Variants in ADAMTS17 observed in about 807,000 individuals in gnomAD.
The protein encoded by ADAMTS17 is A disintegrin and metalloproteinase with thrombospondin motifs 17.
In ADAMTS17, 113 loss-of-function variants were observed where a neutral mutation model predicts 141.5. The ratio of observed to expected loss-of-function variants is 0.80; its 90% CI spans 0.69 to 0.93. The LOEUF (loss-of-function observed/expected upper bound fraction) is 0.93, where lower values mean the gene tolerates loss of function less well. Among genes scored for constraint, ADAMTS17 ranks in the 40% least tolerant of loss-of-function variants. The pLI is 0.00. For missense variants in ADAMTS17, 1,659 were observed against 1,517.9 expected (o/e 1.09, Z -1.54); for synonymous variants, 768 against 630.6 (o/e 1.22, Z -3.27).
Position 100,341,921 on chromosome 15 carries a change from C to G in ADAMTS17, c.-22G>C. ...ACATGGTACCCGGGACCGGCAGCCC[C>G]CCCGGACCGTGGCGGCGAAGCAGGA... On this transcript the variant is annotated 5_prime_UTR_variant, in exon 1 of 22. Transcript: ENST00000268070. 1.3e-6 allele frequency: 2 copies of G among 1,549,006 alleles called. No individual in the cohort carries two copies. Among genetic ancestry groups the G allele is most frequent in the South Asian group, 2.4e-5 (2 of 84,010 alleles).
chr15:100,233,570 T>C (rs1408612244), intron 7 of ADAMTS17, among the ~76,000 whole-genome samples: 3 of 152,204 alleles, frequency 2.0e-5, no homozygotes, highest in Non-Finnish European at 2.9e-5. Flanking sequence ...GCATCTCTCA[T>C]GTGCAGTCGA....
At chr15:100,063,520 G>T in intron 15 of ADAMTS17, 1 of 491,634 alleles carries the variant, frequency 2.0e-6, no homozygotes, top group Non-Finnish European at 3.6e-6. Context: ...AGTCAAATAT[G>T]ACAGCACTGT....
At chr15:100,074,784 A>G (rs891314035) in intron 15 of ADAMTS17, among the ~76,000 whole-genome samples, 8 of 152,178 alleles carry the variant, frequency 5.3e-5, no homozygotes, top group Admixed American at 5.2e-4. Flanking sequence ...TTGATTTTAT[A>G]TAGAGGCACG....
At chr15:100,010,839 C>T (rs1203856681) in intron 18 of ADAMTS17, among the ~76,000 whole-genome samples, 8 of 152,316 alleles carry the variant, frequency 5.3e-5, no homozygotes, top group East Asian at 1.9e-4. Context: ...TACAGGCACA[C>T]GTGAGGCTTC....
chr15:100,340,958 G>GGGGC, intron 2 of ADAMTS17, 81 bp downstream of exon 2: 3 of 1,504,444 alleles, frequency 2.0e-6, no homozygotes, highest in Non-Finnish European at 2.7e-6. Flanking sequence ...CAGCAGAGGC[G>GGGGC]CCCCACCCCC....
intron 15 of ADAMTS17, among the ~76,000 whole-genome samples, chr15:100,086,728 C>A (rs2140971692): frequency 6.7e-6 from 1 of 148,814 alleles, no homozygotes; most frequent in African/African-American, 2.5e-5. Context: ...GAAAAATATG[C>A]TCCTGAATGA....
intron 4 of ADAMTS17, among the ~76,000 whole-genome samples, chr15:100,275,109 G>C (rs1596415969): frequency 6.6e-6 from 1 of 152,208 alleles, no homozygotes; most frequent in Non-Finnish European, 1.5e-5. Context: ...AGCAAAGAGG[G>C]ACCCTCTGAG....
chr15:100,278,529 G>C (rs189739506), intron 4 of ADAMTS17, among the ~76,000 whole-genome samples: 10 of 152,154 alleles, frequency 6.6e-5, no homozygotes, highest in Admixed American at 3.3e-4. Flanking sequence ...GAAGAGCCTG[G>C]CATATGAGGA....
chr15:100,015,862 C>G (rs138380826), intron 18 of ADAMTS17, among the ~76,000 whole-genome samples: 9 of 152,242 alleles, frequency 5.9e-5, no homozygotes, highest in African/African-American at 2.2e-4. Flanking sequence ...GATCTTTTTG[C>G]GATGCATTTC....
chr15:100,167,994 GAA>G, intron 8 of ADAMTS17, among the ~76,000 whole-genome samples: 1 of 152,326 alleles, frequency 6.6e-6, no homozygotes, highest in East Asian at 1.9e-4. Context: ...TGACCTGCCA[GAA>G]AGTGGCGAAG....
At chr15:100,164,481 C>T (rs1053950430) in intron 8 of ADAMTS17, among the ~76,000 whole-genome samples, 1 of 152,198 alleles carries the variant, frequency 6.6e-6, no homozygotes, top group African/African-American at 2.4e-5. Context: ...AGTTTACATT[C>T]TCTAAGGGAA....
intron 2 of ADAMTS17, among the ~76,000 whole-genome samples, chr15:100,331,370 A>G (rs1429421599): frequency 6.6e-6 from 1 of 152,218 alleles, no homozygotes; most frequent in Non-Finnish European, 1.5e-5. Flanking sequence ...TTTTTAAGTT[A>G]CTTCAAAAAT....
chr15:100,216,459 C>T (rs1195203204), intron 7 of ADAMTS17, among the ~76,000 whole-genome samples: 1 of 152,136 alleles, frequency 6.6e-6, no homozygotes, highest in Non-Finnish European at 1.5e-5. Context: ...GGGAAAACAC[C>T]ACCTTCACCG....
chr15:100,067,882 C>A (rs1191847248), intron 15 of ADAMTS17, among the ~76,000 whole-genome samples: 1 of 152,146 alleles, frequency 6.6e-6, no homozygotes, highest in African/African-American at 2.4e-5. Flanking sequence ...GTTCATCTCA[C>A]TGGGGAGTGT....
At chr15:100,095,590 G>C (rs923098246) in intron 15 of ADAMTS17, among the ~76,000 whole-genome samples, 2 of 152,176 alleles carry the variant, frequency 1.3e-5, no homozygotes, top group Non-Finnish European at 2.9e-5. Flanking sequence ...TCCTGGTGAT[G>C]GGGGGTGAGT....
At chr15:100,070,686 G>C (rs1174261173) in intron 15 of ADAMTS17, among the ~76,000 whole-genome samples, 2 of 149,932 alleles carry the variant, frequency 1.3e-5, no homozygotes, top group African/African-American at 4.9e-5. Flanking sequence ...GATGTTCTTT[G>C]ACACCAACGA....
At chr15:100,277,570 T>C (rs1443407021) in intron 4 of ADAMTS17, among the ~76,000 whole-genome samples, 4 of 152,160 alleles carry the variant, frequency 2.6e-5, no homozygotes, top group Non-Finnish European at 5.9e-5. Flanking sequence ...GATGAAAACA[T>C]CTGGTGCAGA....
At chr15:100,300,156 G>A (rs370990882) in intron 3 of ADAMTS17, among the ~76,000 whole-genome samples, 145 of 152,236 alleles carry the variant, frequency 9.5e-4, no homozygotes, top group South Asian at 3.9e-3. Context: ...CATGCCCAGG[G>A]CTGTTTACAG....
chr15:99,996,038 A>G lies in ADAMTS17; in HGVS notation c.2796+1347T>C, dbSNP rs114893417. 7.4e-3 allele frequency among the ~76,000 whole-genome samples: 1,131 copies of G among 151,852 alleles called. 9 individuals are homozygous for G. Among genetic ancestry groups the G allele is most frequent in the African/African-American group, 0.026 (1,063 of 41,210 alleles). On this transcript the variant is annotated intron_variant, in intron 19 of 21. Coordinates refer to ENST00000268070, the MANE Select transcript of ADAMTS17 (RefSeq NM_139057.4). ...TGGGGAAGCATTGTTTTCCCCCATA[A>G]AAAGAGTCTGAGTGGATTTTTTTTT...
Sources: allele counts gnomAD v4.1 joint callset (sites outside exome capture counted in the v4.1 genomes callset), GRCh38; gene constraint gnomAD v4.1.1; transcripts MANE v1.5; gene names NCBI Gene and HGNC (gene_info 2026-07-23, HGNC 2026-07-21).